The following MARCHF1 variants were observed in gnomAD, a reference collection of about 807,000 sequenced individuals.
MARCHF1 encodes membrane associated ring-CH-type finger 1.
In MARCHF1, 40 loss-of-function variants were observed where a neutral mutation model predicts 54.2. The ratio of observed to expected loss-of-function variants is 0.74; its 90% confidence interval spans 0.57 to 0.96. The LOEUF (loss-of-function observed/expected upper bound fraction) is 0.96. Ranked by LOEUF, MARCHF1 falls within the 40% of genes least tolerant of loss-of-function variation. The pLI is 0.00. For missense variants in MARCHF1, 586 were observed against 656.5 expected (o/e 0.89, Z 1.17); for synonymous variants, 236 against 236.3 (o/e 1.00, Z 0.01).
intron 5 of MARCHF1, among the ~76,000 whole-genome samples, chr4:163,696,147 T>C (rs1413733525): frequency 1.3e-5 from 2 of 152,086 alleles, no homozygotes. Flanking sequence ...TAAGACAAAC[T>C]AGAAATATAA....
intron 3 of MARCHF1, among the ~76,000 whole-genome samples, chr4:163,959,632 A>G (rs543453386): frequency 1.3e-5 from 2 of 152,044 alleles, no homozygotes; most frequent in African/African-American, 2.4e-5. Context: ...TTGAAACTGG[A>G]CCCCTTCCTT....
chr4:164,114,103 T>C (rs1195481383), intron 1 of MARCHF1, among the ~76,000 whole-genome samples: 1 of 151,938 alleles, frequency 6.6e-6, no homozygotes, highest in African/African-American at 2.4e-5. Context: ...TAATAACATA[T>C]ATGATAACCT....
intron 1 of MARCHF1, among the ~76,000 whole-genome samples, chr4:164,357,135 TA>T (rs1730579649): frequency 6.6e-6 from 1 of 151,248 alleles, no homozygotes; most frequent in Non-Finnish European, 1.5e-5. Flanking sequence ...AAAAAATAAA[TA>T]AAAATTTAGT....
At chr4:163,917,456 T>C (rs1751334349) in intron 3 of MARCHF1, among the ~76,000 whole-genome samples, 2 of 152,178 alleles carry the variant, frequency 1.3e-5, no homozygotes, top group South Asian at 2.1e-4. Context: ...TTGGCCTTTC[T>C]AATAGATGTG....
At chr4:164,008,916 AG>A (rs1322465969) in intron 2 of MARCHF1, among the ~76,000 whole-genome samples, 1 of 152,002 alleles carries the variant, frequency 6.6e-6, no homozygotes, top group Non-Finnish European at 1.5e-5. Context: ...ATGCACCTCA[AG>A]GAATAAAAAA....
chr4:163,651,536 T>TG (rs1359111818), intron 5 of MARCHF1, among the ~76,000 whole-genome samples: 1 of 151,236 alleles, frequency 6.6e-6, no homozygotes, highest in Non-Finnish European at 1.5e-5. Context: ...TTTTTTTTTT[T>TG]TTTTTTTTAC....
At chr4:163,566,181 T>C (rs919823462) in intron 8 of MARCHF1, among the ~76,000 whole-genome samples, 2 of 152,210 alleles carry the variant, frequency 1.3e-5, no homozygotes, top group Non-Finnish European at 2.9e-5. Context: ...ATCAGAGCAA[T>C]GCTTTTCTTT....
chr4:163,677,855 C>G (rs1177327824), intron 5 of MARCHF1, among the ~76,000 whole-genome samples: 1 of 152,178 alleles, frequency 6.6e-6, no homozygotes, highest in Non-Finnish European at 1.5e-5. Flanking sequence ...TTTGGAATCC[C>G]AGATTTCCAA....
chr4:163,657,869 T>G (rs1381695427), intron 5 of MARCHF1, among the ~76,000 whole-genome samples: 1 of 151,972 alleles, frequency 6.6e-6, no homozygotes, highest in Non-Finnish European at 1.5e-5. Context: ...TGCAGAAAAT[T>G]GAACCCTGGA....
chr4:163,995,248 A>T (rs905971076), intron 2 of MARCHF1, among the ~76,000 whole-genome samples: 2 of 152,104 alleles, frequency 1.3e-5, no homozygotes, highest in African/African-American at 4.8e-5. Flanking sequence ...GTATGGGTTT[A>T]TTACAGAGGA....
intron 2 of MARCHF1, among the ~76,000 whole-genome samples, chr4:164,046,392 A>G (rs1289089923): frequency 6.6e-6 from 1 of 152,252 alleles, no homozygotes; most frequent in Non-Finnish European, 1.5e-5. Context: ...ATTGTCTCCA[A>G]TACATAATAG....
chr4:164,241,461 T>G (rs1375255793), intron 1 of MARCHF1, among the ~76,000 whole-genome samples: 3 of 152,214 alleles, frequency 2.0e-5, no homozygotes, highest in African/African-American at 7.2e-5. Context: ...TCATCTTTTT[T>G]GACAATAGTT....
chr4:164,362,503 C>T (rs550088819), intron 1 of MARCHF1, among the ~76,000 whole-genome samples: 1 of 152,224 alleles, frequency 6.6e-6, no homozygotes, highest in South Asian at 2.1e-4. Flanking sequence ...CTTGTACCCA[C>T]ATTTATTGAC....
intron 4 of MARCHF1, among the ~76,000 whole-genome samples, chr4:163,767,903 T>G (rs910794082): frequency 6.6e-6 from 1 of 152,228 alleles, no homozygotes; most frequent in Admixed American, 6.5e-5. Flanking sequence ...CACCAATGAC[T>G]CTAGCTGTAC....
At chr4:163,631,969 C>CA in intron 5 of MARCHF1, among the ~76,000 whole-genome samples, 1 of 151,820 alleles carries the variant, frequency 6.6e-6, no homozygotes, top group South Asian at 2.1e-4. Flanking sequence ...CACCAACGGC[C>CA]AAAAAACACA....
chr4:163,898,479 C>A (rs143032833), intron 3 of MARCHF1, among the ~76,000 whole-genome samples: 4 of 152,144 alleles, frequency 2.6e-5, no homozygotes, highest in African/African-American at 9.6e-5. Context: ...AAAACCACAA[C>A]GAGATGTTAT....
chr4:164,110,990 C>T (rs994780492), intron 2 of MARCHF1, among the ~76,000 whole-genome samples: 3 of 151,652 alleles, frequency 2.0e-5, no homozygotes, highest in African/African-American at 7.2e-5. Context: ...TACACAATAG[C>T]CTTTGGTTGC....
At position 163,622,682 on chromosome 4, in the gene MARCHF1, A is replaced by G. The variant is rs928296775; in HGVS notation, c.163-9289T>C. Among the ~76,000 whole-genome samples, 104 of 152,146 alleles carry G rather than the reference A, an allele frequency of 6.8e-4. 1 individual carries two copies. Among genetic ancestry groups the G allele is most frequent in the African/African-American group, 2.4e-3 (99 of 41,438 alleles). ...AAAGTTATCTCGATGCCGAGTTTAT[A>G]ATTTTAAAGGAAGACTCAGGCCAGA... On this transcript the variant is annotated intron_variant, in intron 5 of 9. Transcript: ENST00000514618.
At chr4:163,959,364 AAAAC>A (rs148805056) in intron 3 of MARCHF1, among the ~76,000 whole-genome samples, 1,971 of 151,874 alleles carry the variant, frequency 0.013, 47 homozygotes, top group African/African-American at 0.045. Context: ...CAAAAAACAC[AAAAC>A]AAACAAAAAA....
Sources: allele counts gnomAD v4.1 joint callset (sites outside exome capture counted in the v4.1 genomes callset), GRCh38; gene constraint gnomAD v4.1.1; transcripts MANE v1.5; gene names NCBI Gene and HGNC (gene_info 2026-07-23, HGNC 2026-07-21).